Variants in BTBD9 observed in about 807,000 individuals in gnomAD.
BTBD9 encodes BTB/POZ domain-containing protein 9.
BTBD9 carries 49 observed loss-of-function variants against 64.3 expected under a neutral mutation model. That is an observed-to-expected ratio of 0.76 (90% CI 0.61 to 0.97). The LOEUF is 0.97. Ranked by LOEUF, BTBD9 falls within the 50% of genes least tolerant of loss-of-function variation. The probability of loss-of-function intolerance (pLI) is 0.00; values close to 1 mark genes in which losing one functional copy is unlikely to be tolerated. For synonymous variants in BTBD9, 260 were observed against 274.7 expected (o/e 0.95, Z 0.53); for missense variants, 598 against 762.1 (o/e 0.78, Z 2.53).
chr6:38,550,650 C>G (rs1471852682), intron 6 of BTBD9, among the ~76,000 whole-genome samples: 20 of 152,092 alleles, frequency 1.3e-4, no homozygotes, highest in Admixed American at 1.3e-3. Context: ...AATCTATTAG[C>G]TAATGCCACT....
chr6:38,458,042 G>A (rs1582461982), intron 6 of BTBD9, among the ~76,000 whole-genome samples: 1 of 152,156 alleles, frequency 6.6e-6, no homozygotes, highest in Non-Finnish European at 1.5e-5. Context: ...GTCCCAGAGA[G>A]CAAGCTTTAC....
At chr6:38,324,722 C>A (rs12208440) in intron 7 of BTBD9, among the ~76,000 whole-genome samples, 1 of 152,136 alleles carries the variant, frequency 6.6e-6, no homozygotes, top group East Asian at 1.9e-4. Context: ...GGAGTATGAA[C>A]TGACAGGAAG....
intron 6 of BTBD9, among the ~76,000 whole-genome samples, chr6:38,533,074 C>T (rs1240540003): frequency 1.3e-5 from 2 of 151,724 alleles, no homozygotes; most frequent in African/African-American, 4.8e-5. Context: ...ATGGACTAAA[C>T]TCTCTAATCA....
intron 1 of BTBD9, 143 bp from the exon 2 acceptor site, chr6:38,598,264 C>A (rs1156899344): frequency 1.3e-5 from 8 of 600,708 alleles, no homozygotes; most frequent in Non-Finnish European, 1.9e-5. Context: ...TCCTTATTAA[C>A]CCATTTATTT....
At chr6:38,391,129 G>C (rs1425989864) in intron 6 of BTBD9, among the ~76,000 whole-genome samples, 1 of 152,198 alleles carries the variant, frequency 6.6e-6, no homozygotes, top group Non-Finnish European at 1.5e-5. Context: ...GAATATCTAA[G>C]TGGAAGGCAT....
chr6:38,275,483 C>A (rs368886660), intron 8 of BTBD9, among the ~76,000 whole-genome samples: 5 of 150,998 alleles, frequency 3.3e-5, no homozygotes, highest in African/African-American at 1.2e-4. Flanking sequence ...GCAACAAAAG[C>A]CAAAATTGAC....
At chr6:38,215,508 G>A (rs765387946) in intron 9 of BTBD9, among the ~76,000 whole-genome samples, 6 of 152,306 alleles carry the variant, frequency 3.9e-5, no homozygotes, top group South Asian at 2.1e-4. Context: ...CCCTGTTAGC[G>A]CTGGATGACG....
At chr6:38,590,551 G>A (rs1192451429) in intron 4 of BTBD9, among the ~76,000 whole-genome samples, 1 of 152,160 alleles carries the variant, frequency 6.6e-6, no homozygotes, top group Non-Finnish European at 1.5e-5. Flanking sequence ...TATTTCAAGA[G>A]AATGTTTAAA....
At chr6:38,498,514 T>C (rs957872992) in intron 6 of BTBD9, among the ~76,000 whole-genome samples, 3 of 141,816 alleles carry the variant, frequency 2.1e-5, no homozygotes, top group Non-Finnish European at 4.6e-5. Context: ...GTAAGAGGAA[T>C]ACTAGCTTTT....
chr6:38,577,532 T>C, intron 6 of BTBD9, 68 bp downstream of exon 6: 1 of 1,476,064 alleles, frequency 6.8e-7, no homozygotes, highest in Non-Finnish European at 9.1e-7. Flanking sequence ...AAAATGCAGT[T>C]CTGCTTCTCC....
chr6:38,537,358 A>G (rs1023928201), intron 6 of BTBD9, among the ~76,000 whole-genome samples: 1 of 152,216 alleles, frequency 6.6e-6, no homozygotes, highest in African/African-American at 2.4e-5. Flanking sequence ...AATTTATCTC[A>G]GTTTGAATTT....
intron 6 of BTBD9, among the ~76,000 whole-genome samples, chr6:38,505,258 C>G (rs1772414737): frequency 2.0e-5 from 3 of 152,158 alleles, no homozygotes; most frequent in African/African-American, 7.2e-5. Context: ...AAGTATCTGT[C>G]TATAGACCAA....
At chr6:38,482,679 G>A (rs1420921211) in intron 6 of BTBD9, 1 of 152,132 alleles carries the variant, frequency 6.6e-6, no homozygotes, top group Non-Finnish European at 1.5e-5. Context: ...TCTTGTTGAA[G>A]AGATGCCAGT....
intron 8 of BTBD9, among the ~76,000 whole-genome samples, chr6:38,280,236 A>C (rs185358924): frequency 1.3e-5 from 2 of 152,344 alleles, no homozygotes; most frequent in East Asian, 3.9e-4. Flanking sequence ...CACACAGTTC[A>C]GACTTCAGCA....
At chr6:38,439,774 G>A (rs1768938708) in intron 6 of BTBD9, among the ~76,000 whole-genome samples, 1 of 152,126 alleles carries the variant, frequency 6.6e-6, no homozygotes, top group Non-Finnish European at 1.5e-5. Context: ...GCTCACTGCA[G>A]CCTCAAACTC....
At chr6:38,337,387 G>A (rs1582253676) in intron 7 of BTBD9, among the ~76,000 whole-genome samples, 2 of 152,320 alleles carry the variant, frequency 1.3e-5, no homozygotes, top group Middle Eastern at 6.8e-3. Context: ...AATGACAGTA[G>A]TAACCATAGA....
chr6:38,435,387 C>G (rs904819699), intron 6 of BTBD9, among the ~76,000 whole-genome samples: 3 of 151,348 alleles, frequency 2.0e-5, no homozygotes, highest in African/African-American at 4.9e-5. Context: ...GTAATCCCAG[C>G]TGCTCAGGAG....
At chr6:38,283,583 A>C (rs1561969816) in intron 8 of BTBD9, among the ~76,000 whole-genome samples, 2 of 152,346 alleles carry the variant, frequency 1.3e-5, no homozygotes, top group East Asian at 3.9e-4. Context: ...CAAGAGGTCA[A>C]GGCTGCAGTA....
At chr6:38,392,511 C>T (rs574513797) in intron 6 of BTBD9, among the ~76,000 whole-genome samples, 44 of 150,420 alleles carry the variant, frequency 2.9e-4, no homozygotes, top group African/African-American at 9.5e-4. Context: ...CTTGACTAAG[C>T]GTCTACTATA....
Sources: gnomAD v4.1 joint callset for allele counts (sites outside exome capture counted in the v4.1 genomes callset) on GRCh38, gnomAD v4.1.1 for gene constraint, MANE v1.5 for transcripts, NCBI Gene and HGNC (gene_info 2026-07-23, HGNC 2026-07-21) for gene names.